Variants in ADAP2 observed in about 807,000 individuals in gnomAD.
The protein encoded by ADAP2 is ArfGAP with dual PH domains 2.
Under a neutral mutation model 54.9 loss-of-function variants are expected in ADAP2, and 42 were observed. The observed-to-expected ratio is 0.77, with a 90% CI of 0.60 to 0.99. The LOEUF (loss-of-function observed/expected upper bound fraction) is 0.99, where lower values mean the gene tolerates loss of function less well. Among genes scored for constraint, ADAP2 ranks in the 50% least tolerant of loss-of-function variants. The pLI, the probability that ADAP2 is intolerant of heterozygous loss-of-function variation, is 0.00. For missense variants in ADAP2, 429 were observed against 480.4 expected (o/e 0.89, Z 1.00); for synonymous variants, 177 against 180.1 (o/e 0.98, Z 0.14).
At chr17:30,928,168 G>A (rs1274662270) in intron 3 of ADAP2, among the ~76,000 whole-genome samples, 1 of 147,070 alleles carries the variant, frequency 6.8e-6, no homozygotes, top group African/African-American at 2.5e-5. Context: ...ACTCCAGCCT[G>A]GGCAACAGAA....
intron 3 of ADAP2, among the ~76,000 whole-genome samples, chr17:30,927,783 G>A (rs758647690): frequency 1.4e-4 from 22 of 152,100 alleles, no homozygotes; most frequent in Non-Finnish European, 2.6e-4. Flanking sequence ...ACTTTGGGAG[G>A]CTGAGGTGGG....
At chr17:30,922,897 C>A (rs373719879) in intron 1 of ADAP2, 43 bp from the exon 2 acceptor site, 3 of 1,601,878 alleles carry the variant, frequency 1.9e-6, no homozygotes, top group African/African-American at 2.7e-5. Context: ...GGTTTCTTCA[C>A]CGCGCTTTCC....
At position 30,958,147 on chromosome 17, in the gene ADAP2, T is replaced by G. The variant is rs150819462; in HGVS notation, c.*278T>G. 16 of 434,960 alleles carry G rather than the reference T, an allele frequency of 3.7e-5. No individual in the cohort carries two copies. The East Asian group carries it at 5.2e-4, about 14-fold the overall frequency. The allele number at this position is 434,960 out of a possible 1,614,324, so 26.9% of individuals were successfully genotyped here. A position where few individuals can be genotyped will look rare whatever the true frequency, so the allele number is the denominator to read the frequency against. On this transcript the variant is annotated 3_prime_UTR_variant, in exon 11 of 11. Coordinates refer to ENST00000330889, the MANE Select transcript of ADAP2 (RefSeq NM_018404.3). ...TTGAAATGCCCTACAGGCCCAGAAC[T>G]TTCTCACATCTGAAATGGAGGCATT...
chr17:30,944,829 C>T, intron 5 of ADAP2, 78 bp from the exon 6 acceptor site: 2 of 1,396,520 alleles, frequency 1.4e-6, no homozygotes, highest in East Asian at 2.3e-5. Flanking sequence ...TGCTTGTTTG[C>T]ATGAAGGCCT....
At chr17:30,954,406 TG>T in intron 8 of ADAP2, 71 bp from the exon 9 acceptor site, 3 of 1,372,604 alleles carry the variant, frequency 2.2e-6, no homozygotes, top group South Asian at 1.2e-5. Context: ...TGGTTTGGGC[TG>T]GGCTGGCCCC....
At chr17:30,948,814 A>G (rs540964082) in intron 6 of ADAP2, among the ~76,000 whole-genome samples, 1 of 152,310 alleles carries the variant, frequency 6.6e-6, no homozygotes, top group African/African-American at 2.4e-5. Context: ...CCAAATGCCA[A>G]TCTTTGACAT....
At chr17:30,937,132 G>A (rs1911944338) in intron 5 of ADAP2, among the ~76,000 whole-genome samples, 1 of 151,122 alleles carries the variant, frequency 6.6e-6, no homozygotes, top group Non-Finnish European at 1.5e-5. Context: ...CACCATCTTG[G>A]CCAGGCTGGT....
At chr17:30,931,123 C>T (rs2142520182) in intron 3 of ADAP2, among the ~76,000 whole-genome samples, 1 of 152,150 alleles carries the variant, frequency 6.6e-6, no homozygotes, top group South Asian at 2.1e-4. Flanking sequence ...GGAAGAGGCT[C>T]CTGGACTCTC....
Position 30,924,041 on chromosome 17 carries a change from T to A in ADAP2, c.225+971T>A, listed in dbSNP as rs998358300. Among the ~76,000 whole-genome samples the A allele has an allele frequency of 5.9e-5, 9 of 152,036 alleles. No individual in the cohort carries two copies. In the South Asian group the frequency reaches 1.0e-3, roughly 17 times the overall value. On this transcript the variant is annotated intron_variant, in intron 2 of 10. Transcript: ENST00000330889. Reference sequence around the variant, plus strand: ...GTCACAGCACTGTTGTGAAGATGATTGTAGGCTCAGTCCAGACACAAAGAA... The same window carrying A: ...GTCACAGCACTGTTGTGAAGATGATAGTAGGCTCAGTCCAGACACAAAGAA...
intron 4 of ADAP2, among the ~76,000 whole-genome samples, chr17:30,932,504 T>G (rs1284718444): frequency 6.6e-6 from 1 of 151,656 alleles, no homozygotes; most frequent in Non-Finnish European, 1.5e-5. Context: ...TCCTTTCGCT[T>G]TGGCCTCCCA....
chr17:30,936,940 T>C (rs1032533338), intron 5 of ADAP2, among the ~76,000 whole-genome samples: 4 of 152,120 alleles, frequency 2.6e-5, no homozygotes, highest in Admixed American at 2.6e-4. Flanking sequence ...GATTGATTGA[T>C]TGATTTGAGA....
At chr17:30,948,864 G>T (rs1304186832) in intron 6 of ADAP2, among the ~76,000 whole-genome samples, 1 of 152,198 alleles carries the variant, frequency 6.6e-6, no homozygotes, top group Non-Finnish European at 1.5e-5. Context: ...TCCTTAGAGT[G>T]CATTCCACTG....
chr17:30,938,174 G>A lies in ADAP2; in HGVS notation c.510+3877G>A, dbSNP rs62068773. ...ACAATCCTATGGGTCAGGAATTTGA[G>A]GAGGCCTCGGCTGTTCTGGTGTACT... On this transcript the variant is annotated intron_variant, in intron 5 of 10. Coordinates refer to ENST00000330889, the MANE Select transcript of ADAP2 (RefSeq NM_018404.3). Among the ~76,000 whole-genome samples, 425 of 152,330 alleles carry A rather than the reference G, an allele frequency of 2.8e-3. 1 individual carries two copies. The highest frequency in any genetic ancestry group is 6.1e-3 in the Admixed American group (93 of 15,298).
rs1905280946 is a variant in ADAP2 at position 30,959,183 on chromosome 17, C to T, written c.*1314C>T. On this transcript the variant is annotated 3_prime_UTR_variant, in exon 11 of 11. Transcript: ENST00000330889. The stretch of plus-strand genomic sequence containing the variant: ...ATGAGGAAATTAATAAAGGTACAGT[C>T]TTGCCTTCAAGGAACTTATGGTCTA... The T allele has an allele frequency of 6.6e-6, 1 of 152,174 alleles. No individual in the cohort carries two copies. Among genetic ancestry groups the T allele is most frequent in the Non-Finnish European group, 1.5e-5 (1 of 68,038 alleles). The allele number at this position is 152,174 out of a possible 1,614,324, so 9.4% of individuals were successfully genotyped here.
intron 6 of ADAP2, among the ~76,000 whole-genome samples, chr17:30,949,086 G>C (rs1405057199): frequency 6.6e-6 from 1 of 152,178 alleles, no homozygotes. Context: ...CCTGTCAGAG[G>C]CTTCCTGCTT....
intron 5 of ADAP2, among the ~76,000 whole-genome samples, chr17:30,936,231 T>C (rs1911865174): frequency 6.6e-6 from 1 of 152,180 alleles, no homozygotes; most frequent in African/African-American, 2.4e-5. Flanking sequence ...CATAGCTCAC[T>C]GCAACCTTAA....
intron 2 of ADAP2, 61 bp downstream of exon 2, chr17:30,923,131 A>AG: frequency 1.3e-6 from 2 of 1,591,994 alleles, no homozygotes; most frequent in Non-Finnish European, 1.7e-6. Context: ...GGCAGCGGGC[A>AG]GGGGGCTCCC....
rs770120435 is a variant in ADAP2, at chr17:30,934,175, G to A, written c.398-10G>A. 1.9e-5 allele frequency: 31 copies of A among 1,609,336 alleles called. No individual in the cohort carries two copies. Among genetic ancestry groups the A allele is most frequent in the Non-Finnish European group, 2.5e-5 (29 of 1,175,998 alleles). Reference sequence around the variant, plus strand: ...CGTGTGTTCACGCTTTGTCATCCTTGCTGCTTAAGGTAACCGAGAAGGATT... The same window carrying A: ...CGTGTGTTCACGCTTTGTCATCCTTACTGCTTAAGGTAACCGAGAAGGATT... On this transcript the variant is annotated splice_polypyrimidine_tract_variant and intron_variant, in intron 4 of 10. Transcript: ENST00000330889.
chr17:30,924,333 A>C (rs954096760), intron 2 of ADAP2, among the ~76,000 whole-genome samples: 4 of 151,806 alleles, frequency 2.6e-5, no homozygotes, highest in Non-Finnish European at 5.9e-5. Flanking sequence ...AGATCGCACC[A>C]CTGCACTCCA....
Sources: allele counts gnomAD v4.1 joint callset (sites outside exome capture counted in the v4.1 genomes callset), GRCh38; gene constraint gnomAD v4.1.1; transcripts MANE v1.5; gene names NCBI Gene and HGNC (gene_info 2026-07-23, HGNC 2026-07-21).